TENM3: variants seen among roughly 807,000 people sequenced by gnomAD.
The protein encoded by TENM3 is teneurin transmembrane protein 3, also known as teneurin-3.
TENM3 carries 63 observed loss-of-function variants against 255.1 expected under a neutral mutation model. That is an observed-to-expected ratio of 0.25 (90% CI 0.20 to 0.30). The LOEUF is 0.30. Among genes scored for constraint, TENM3 ranks in the 10% least tolerant of loss-of-function variants. TENM3 has a pLI of 1.00. For missense variants in TENM3, 2,929 were observed against 3,461.1 expected, an observed-to-expected ratio of 0.85 and a Z score of 3.86; for synonymous variants, 1,306 against 1,322.3, an observed-to-expected ratio of 0.99 and a Z score of 0.27.
chr4:181,825,676 A>G, the TENM3 span, among the ~76,000 whole-genome samples: 566 of 152,318 alleles, frequency 3.7e-3, 3 homozygotes, highest in African/African-American at 0.011. Context: ...AATACCCTCA[A>G]TCACAAAACA....
intron 22 of TENM3, among the ~76,000 whole-genome samples, chr4:182,766,150 C>T (rs1763700457): frequency 6.6e-6 from 1 of 152,072 alleles, no homozygotes; most frequent in South Asian, 2.1e-4. Context: ...CACCAGGATA[C>T]AAGGAGAACA....
At chr4:182,034,419 T>C in the TENM3 span, among the ~76,000 whole-genome samples, 1 of 152,206 alleles carries the variant, frequency 6.6e-6, no homozygotes, top group Non-Finnish European at 1.5e-5. Flanking sequence ...AATTTGATCC[T>C]GTCATGATGA....
chr4:182,519,945 ATGTTTATAGGAT>A (rs1738392718), intron 3 of TENM3, among the ~76,000 whole-genome samples: 2 of 152,128 alleles, frequency 1.3e-5, no homozygotes, highest in South Asian at 4.1e-4. Context: ...GTGACTACCA[ATGTTTATAGGAT>A]TGTTTGTAAT....
chr4:181,473,632 G>A, the TENM3 span, among the ~76,000 whole-genome samples: 16 of 151,710 alleles, frequency 1.1e-4, 1 homozygote, highest in African/African-American at 2.4e-4. Context: ...AAAAAAAATC[G>A]TTCTTGAGCA....
the TENM3 span, among the ~76,000 whole-genome samples, chr4:181,474,569 A>G: frequency 6.6e-6 from 1 of 151,868 alleles, no homozygotes; most frequent in Non-Finnish European, 1.5e-5. Flanking sequence ...CGCCATCTCT[A>G]CTAAAAACAC....
chr4:181,869,279 A>T, the TENM3 span, among the ~76,000 whole-genome samples: 7 of 152,196 alleles, frequency 4.6e-5, 1 homozygote, highest in African/African-American at 1.7e-4. Context: ...GTTTAGAGGG[A>T]TTTGCAGTCC....
chr4:181,841,070 G>C, the TENM3 span, among the ~76,000 whole-genome samples: 1 of 152,062 alleles, frequency 6.6e-6, no homozygotes, highest in Non-Finnish European at 1.5e-5. Context: ...TGAATTTGGA[G>C]AACCTATAAG....
At chr4:182,254,735 T>A (rs1046897258) in intron 1 of TENM3, among the ~76,000 whole-genome samples, 2 of 152,206 alleles carry the variant, frequency 1.3e-5, no homozygotes, top group African/African-American at 4.8e-5. Context: ...AACTTTTGGA[T>A]GGCAGTTATC....
At chr4:182,058,395 TAA>T in the TENM3 span, among the ~76,000 whole-genome samples, 1 of 152,158 alleles carries the variant, frequency 6.6e-6, no homozygotes, top group East Asian at 1.9e-4. Context: ...AAGAAGACAC[TAA>T]GTTTTTAGGT....
chr4:181,673,479 C>G, the TENM3 span, among the ~76,000 whole-genome samples: 2 of 152,094 alleles, frequency 1.3e-5, no homozygotes, highest in East Asian at 3.9e-4. Context: ...AAATTTTAAG[C>G]AATTTTATCA....
the TENM3 span, among the ~76,000 whole-genome samples, chr4:182,053,657 A>G: frequency 2.0e-5 from 3 of 152,272 alleles, no homozygotes; most frequent in Admixed American, 2.0e-4. Context: ...TGCTACAGCA[A>G]TTTCATCTGA....
At chr4:182,776,052 A>T (rs1250883541) in intron 24 of TENM3, among the ~76,000 whole-genome samples, 1 of 152,174 alleles carries the variant, frequency 6.6e-6, no homozygotes. Flanking sequence ...AGATAAATGA[A>T]ATTTACCCTA....
At chr4:182,320,008 G>C (rs545117289) in intron 1 of TENM3, among the ~76,000 whole-genome samples, 81 of 152,258 alleles carry the variant, frequency 5.3e-4, no homozygotes, top group African/African-American at 1.9e-3. Context: ...AGCTATTTGG[G>C]AGGCTGAGGT....
chr4:182,066,191 G>A, the TENM3 span, among the ~76,000 whole-genome samples: 3 of 152,098 alleles, frequency 2.0e-5, no homozygotes, highest in African/African-American at 7.2e-5. Flanking sequence ...CCATCCCACT[G>A]AGTATAAGGT....
chr4:181,997,701 T>C, the TENM3 span, among the ~76,000 whole-genome samples: 2 of 152,164 alleles, frequency 1.3e-5, no homozygotes, highest in Non-Finnish European at 2.9e-5. Context: ...TGGTGATAGA[T>C]TATGTGATGC....
At chr4:182,250,076 G>A (rs1275325054) in intron 1 of TENM3, among the ~76,000 whole-genome samples, 3 of 132,496 alleles carry the variant, frequency 2.3e-5, no homozygotes, top group Non-Finnish European at 3.1e-5. Flanking sequence ...TTTTTGAGAC[G>A]GAGTCTTGCT....
the TENM3 span, among the ~76,000 whole-genome samples, chr4:181,916,868 G>A: frequency 3.3e-5 from 5 of 151,928 alleles, no homozygotes; most frequent in Admixed American, 6.6e-5. Context: ...GCAAGACTCC[G>A]TCTAAAAACA....
chr4:182,470,778 A>G (rs528725010), intron 3 of TENM3, among the ~76,000 whole-genome samples: 1 of 152,294 alleles, frequency 6.6e-6, no homozygotes, highest in Non-Finnish European at 1.5e-5. Flanking sequence ...GACCTTTTCA[A>G]TGTTGTAAGT....
At chr4:182,785,255 A>C (rs998706521) in intron 24 of TENM3, among the ~76,000 whole-genome samples, 2 of 151,522 alleles carry the variant, frequency 1.3e-5, no homozygotes, top group Non-Finnish European at 2.9e-5. Flanking sequence ...GTATTTTTCT[A>C]CAGACAGGAT....
Sources: gnomAD v4.1 joint callset for allele counts (sites outside exome capture counted in the v4.1 genomes callset) on GRCh38, gnomAD v4.1.1 for gene constraint, MANE v1.5 for transcripts, NCBI Gene and HGNC (gene_info 2026-07-23, HGNC 2026-07-21) for gene names.